KL: variants seen among roughly 807,000 people sequenced by gnomAD.
KL encodes alpha-klotho.
Under a neutral mutation model 84.2 loss-of-function variants are expected in KL, and 62 were observed. The observed-to-expected ratio is 0.74, with a 90% CI of 0.60 to 0.91. The LOEUF (loss-of-function observed/expected upper bound fraction) is 0.91, where lower values mean the gene tolerates loss of function less well. Among genes scored for constraint, KL ranks in the 40% least tolerant of loss-of-function variants. The probability of loss-of-function intolerance (pLI) is 0.00; values close to 1 mark genes in which losing one functional copy is unlikely to be tolerated. For missense variants in KL, 1,261 were observed against 1,305.7 expected, an observed-to-expected ratio of 0.97 and a Z score of 0.53; for synonymous variants, 528 against 528.0, an observed-to-expected ratio of 1.00 and a Z score of 0.00.
In KL at chr13:33,016,707, C is replaced by T. The variant is rs1404281757; in HGVS notation, c.267C>T (p.Ile89=). The change falls in exon 1 of 5, where the codon ATC becomes ATT. Residue 89 remains isoleucine (I), a synonymous_variant. Coordinates refer to ENST00000380099, the MANE Select transcript of KL (RefSeq NM_004795.4). ...GWQQHGKGAS[I]WDTFTHHPLA... ...AGCAGCACGGCAAGGGTGCGTCCAT[C>T]TGGGATACGTTCACCCACCACCCCC... 1 of 1,610,010 alleles carries T rather than the reference C, an allele frequency of 6.2e-7. No homozygotes were observed. Among genetic ancestry groups the T allele is most frequent in the Non-Finnish European group, 8.5e-7 (1 of 1,178,718 alleles).
In KL at chr13:33,060,998, C is replaced by T; in HGVS notation, c.1919C>T (p.Pro640Leu). ...ACCCCAGTGGTGGCCCTGTGGCAGC[C>T]TATGGCCCCGAACCAAGGACTGCCG... is the stretch of plus-strand genomic sequence containing the variant. ...NITPVVALWQPMAPNQGLPRL... is the reference protein window; with the variant it reads ...NITPVVALWQLMAPNQGLPRL... The change falls in exon 4 of 5, where the codon CCT (proline) becomes CTT (leucine). Residue 640 changes from proline to leucine, a missense_variant. Pro to Leu is a moderately conservative substitution (Grantham distance 98). Coordinates refer to ENST00000380099, the MANE Select transcript of KL (RefSeq NM_004795.4). 8 of 1,612,998 alleles carry T rather than the reference C, an allele frequency of 5.0e-6. No individual in the cohort carries two copies. Among genetic ancestry groups the T allele is most frequent in the Non-Finnish European group, 6.8e-6 (8 of 1,179,196 alleles).
chr13:33,026,965 C>T (rs1870801247), intron 1 of KL, among the ~76,000 whole-genome samples: 1 of 152,162 alleles, frequency 6.6e-6, no homozygotes, highest in Admixed American at 6.5e-5. Context: ...GCCTGCTCAG[C>T]ATTGGGCATC....
At chr13:33,026,284 G>A (rs891489363) in intron 1 of KL, among the ~76,000 whole-genome samples, 2 of 151,976 alleles carry the variant, frequency 1.3e-5, no homozygotes, top group African/African-American at 4.8e-5. Context: ...AGAAGCAAGA[G>A]GAAAAAAATA....
intron 1 of KL, among the ~76,000 whole-genome samples, chr13:33,020,854 T>A (rs1870550310): frequency 6.6e-6 from 1 of 152,096 alleles, no homozygotes; most frequent in Admixed American, 6.5e-5. Context: ...CTCTACAGGG[T>A]GACATTATGT....
chr13:33,061,088 C>A lies in KL; in HGVS notation c.2009C>A (p.Ala670Asp). ...PYTALAFAEY[A>D]RLCFQELGHH... ...ACTGCCCTGGCCTTTGCAGAGTATG[C>A]CCGACTGTGCTTTCAAGAGCTCGGC... Residue 670 changes from alanine (A) to aspartate (D), a missense_variant, in exon 4 of 5, where the codon GCC becomes GAC. By Grantham distance (126) the Ala-to-Asp change is moderately radical. Transcript: ENST00000380099. The A allele has an allele frequency of 6.2e-7, 1 of 1,613,436 alleles. No homozygotes were observed. Among genetic ancestry groups the A allele is most frequent in the Non-Finnish European group, 8.5e-7 (1 of 1,179,606 alleles).
chr13:33,026,918 T>G (rs1184700474), intron 1 of KL, among the ~76,000 whole-genome samples: 2 of 152,202 alleles, frequency 1.3e-5, no homozygotes, highest in African/African-American at 4.8e-5. Flanking sequence ...TCTTGATTCT[T>G]TTATCAGCTG....
intron 3 of KL, 83 bp downstream of exon 3, chr13:33,055,398 A>T (rs1262261163): frequency 5.7e-6 from 9 of 1,573,186 alleles, no homozygotes; most frequent in Non-Finnish European, 7.9e-6. Flanking sequence ...GCTGATTGTC[A>T]TGGCACATTG....
intron 1 of KL, among the ~76,000 whole-genome samples, chr13:33,029,925 G>A (rs1419278642): frequency 7.0e-6 from 1 of 143,458 alleles, no homozygotes; most frequent in Non-Finnish European, 1.5e-5. Flanking sequence ...GAGCCACCGC[G>A]CCTGGCCCTA....
Position 33,017,275 on chromosome 13 carries a change from C to T in KL, c.819+16C>T. On this transcript the variant is annotated intron_variant, in intron 1 of 4. Coordinates refer to ENST00000380099, the MANE Select transcript of KL (RefSeq NM_004795.4). ...CCTCCTCCTGGTGAGTGCGAGGGGC[C>T]AGGCGGAGGGCCACGCAGGGGAGAC... 2 of 1,546,782 alleles carry T rather than the reference C, an allele frequency of 1.3e-6. No homozygotes were observed. The highest frequency in any genetic ancestry group is 8.7e-7 in the Non-Finnish European group (1 of 1,151,750).
chr13:33,053,335 A>G (rs1285257799), intron 1 of KL, among the ~76,000 whole-genome samples: 2 of 152,242 alleles, frequency 1.3e-5, no homozygotes, highest in East Asian at 3.8e-4. Flanking sequence ...GAAAACTCCC[A>G]GTCTCAGGAT....
intron 1 of KL, among the ~76,000 whole-genome samples, chr13:33,037,787 G>GGAGGAT (rs1871194043): frequency 6.6e-6 from 1 of 151,982 alleles, no homozygotes; most frequent in Non-Finnish European, 1.5e-5. Flanking sequence ...GACATGTGGG[G>GGAGGAT]CAGAAGCAAC....
chr13:33,042,159 G>C (rs1871362105), intron 1 of KL, among the ~76,000 whole-genome samples: 2 of 151,824 alleles, frequency 1.3e-5, no homozygotes, highest in Admixed American at 6.6e-5. Context: ...ATAAATTGTA[G>C]GTAATTATAT....
chr13:33,029,293 G>T (rs1741068388), intron 1 of KL, among the ~76,000 whole-genome samples: 1 of 152,120 alleles, frequency 6.6e-6, no homozygotes, highest in Non-Finnish European at 1.5e-5. Flanking sequence ...AAGAAATAGG[G>T]TTATGAATAA....
intron 1 of KL, 87 bp from the exon 2 acceptor site, chr13:33,053,678 CAG>C (rs1566507152): frequency 3.3e-6 from 4 of 1,213,156 alleles, no homozygotes; most frequent in East Asian, 4.7e-5. Flanking sequence ...TGATGAGAAA[CAG>C]ATATAATCTG....
rs1157399319 is a variant in KL at position 33,061,729 on chromosome 13, G to A, written c.2650G>A (p.Asp884Asn). Reference protein sequence around the residue: ...GIDDGLHAEDDQLRVYYMQNY... With the variant: ...GIDDGLHAEDNQLRVYYMQNY... ...CGATGACGGGCTGCATGCTGAGGACGACCAGCTGAGGGTGTATTATATGCA... is the reference window on the plus strand; with the variant it reads ...CGATGACGGGCTGCATGCTGAGGACAACCAGCTGAGGGTGTATTATATGCA... Residue 884 changes from aspartate (D) to asparagine (N), a missense_variant, in exon 4 of 5, where the codon GAC (aspartate) becomes AAC (asparagine). Transcript: ENST00000380099. 10 of 1,613,880 alleles carry A rather than the reference G, an allele frequency of 6.2e-6. No homozygotes were observed. Among genetic ancestry groups the A allele is most frequent in the Admixed American group, 3.3e-5 (2 of 60,000 alleles).
intron 3 of KL, among the ~76,000 whole-genome samples, chr13:33,060,287 T>G (rs1489759697): frequency 2.0e-5 from 3 of 152,208 alleles, no homozygotes; most frequent in Non-Finnish European, 4.4e-5. Context: ...TCATCTAGTT[T>G]TTTTTCTTTT....
chr13:33,016,712 ATACGTT>A lies in KL; in HGVS notation c.273_278del (p.Phe93_Thr94del). 6.2e-7 allele frequency: 1 copy of A among 1,610,270 alleles called. No homozygotes were observed. ...CACGGCAAGGGTGCGTCCATCTGGG[ATACGTT>A]CACCCACCACCCCCTGGCACCCCCG... On this transcript the variant is annotated inframe_deletion, in exon 1 of 5. Transcript: ENST00000380099.
rs1442876253 is a variant in KL, at chr13:33,054,983, T to C, written c.1331-64T>C. 4 of 1,607,528 alleles carry C rather than the reference T, an allele frequency of 2.5e-6. No homozygotes were observed. In the East Asian group the frequency reaches 8.9e-5, roughly 36 times the overall value. On this transcript the variant is annotated intron_variant, in intron 2 of 4. Coordinates refer to ENST00000380099, the MANE Select transcript of KL (RefSeq NM_004795.4). The stretch of plus-strand genomic sequence containing the variant: ...TTAAGTAGGAAACGCTCAGCTGCTC[T>C]TGAACCATGATGCAAGTGCCCAGCG...
intron 3 of KL, among the ~76,000 whole-genome samples, chr13:33,058,358 T>A (rs1872044481): frequency 6.6e-6 from 1 of 151,466 alleles, no homozygotes. Context: ...TTTCTTTTTT[T>A]TTGACAGAGT....
Sources: gnomAD v4.1 joint callset for allele counts (sites outside exome capture counted in the v4.1 genomes callset) on GRCh38, gnomAD v4.1.1 for gene constraint, MANE v1.5 for transcripts, NCBI Gene and HGNC (gene_info 2026-07-23, HGNC 2026-07-21) for gene names.